The following CHIC2 variants were observed in gnomAD, a reference collection of about 807,000 sequenced individuals.
CHIC2 encodes cysteine rich hydrophobic domain 2.
In CHIC2, 14 loss-of-function variants were observed where a neutral mutation model predicts 25.9. The observed-to-expected ratio is 0.54, with a 90% CI of 0.36 to 0.85. The LOEUF (loss-of-function observed/expected upper bound fraction) is 0.85. CHIC2 is among the 40% of genes least tolerant of loss of function. CHIC2 has a pLI of 0.01. For missense variants in CHIC2, 146 were observed against 202.0 expected (o/e 0.72, Z 1.68); for synonymous variants, 70 against 72.0 (o/e 0.97, Z 0.14).
intron 3 of CHIC2, among the ~76,000 whole-genome samples, chr4:54,046,165 G>C (rs1282192900): frequency 1.3e-5 from 2 of 152,122 alleles, no homozygotes; most frequent in African/African-American, 4.8e-5. Context: ...ACAAACAAAT[G>C]GAAGAACATT....
chr4:54,088,799 A>G, the CHIC2 span, among the ~76,000 whole-genome samples: 1 of 152,126 alleles, frequency 6.6e-6, no homozygotes, highest in South Asian at 2.1e-4. Flanking sequence ...TAGTAGTTGG[A>G]GTGTTAAGAA....
intron 3 of CHIC2, among the ~76,000 whole-genome samples, chr4:54,044,184 C>G (rs1486583711): frequency 3.3e-5 from 5 of 152,122 alleles, no homozygotes; most frequent in Non-Finnish European, 7.4e-5. Flanking sequence ...AAGAGACTTA[C>G]ACTCCCACAC....
intron 3 of CHIC2, among the ~76,000 whole-genome samples, chr4:54,022,336 A>T (rs1233635874): frequency 6.6e-6 from 1 of 152,014 alleles, no homozygotes; most frequent in Non-Finnish European, 1.5e-5. Flanking sequence ...GCTCTGGGTA[A>T]CTCTTACAGT....
rs557004907 is a variant in CHIC2, at chr4:54,049,134, A to G, written c.175-24T>C. ...ACCTAAAGAAAAATTTTAAGAAATAATAACAATGCAATATTAATGTCAAAA... is the reference window on the plus strand; with the variant it reads ...ACCTAAAGAAAAATTTTAAGAAATAGTAACAATGCAATATTAATGTCAAAA... On this transcript the variant is annotated intron_variant, in intron 2 of 5. Transcript: ENST00000263921. The G allele has an allele frequency of 5.7e-6, 9 of 1,587,330 alleles. No individual in the cohort carries two copies. In the Admixed American group the frequency reaches 7.2e-5, roughly 13 times the overall value.
In CHIC2 at chr4:54,064,132, G is replaced by A. The variant is rs1335928148; in HGVS notation, c.119+50C>T. 1 of 1,515,628 alleles carries A rather than the reference G, an allele frequency of 6.6e-7. No individual in the cohort carries two copies. Among genetic ancestry groups the A allele is most frequent in the African/African-American group, 1.4e-5 (1 of 73,038 alleles). 93.9% of individuals were successfully genotyped at this position (1,515,628 alleles called of 1,614,324 possible). ...GAAACGGGGCTCCCGTGGAGTAACG[G>A]GGCCCACCCCAGCCCGCACCTCCCG... is the stretch of plus-strand genomic sequence containing the variant. On this transcript the variant is annotated intron_variant, in intron 1 of 5. Transcript: ENST00000263921. This position sits in a 1 kb window ranked among gnomAD's most constrained non-coding sequence, Gnocchi z 4.2.
the CHIC2 span, among the ~76,000 whole-genome samples, chr4:54,073,010 G>A: frequency 6.6e-6 from 1 of 152,082 alleles, no homozygotes; most frequent in Non-Finnish European, 1.5e-5. Context: ...CGAGCTTGCA[G>A]TGAGCCGAGA....
chr4:54,025,190 G>A (rs1026412251), intron 3 of CHIC2, among the ~76,000 whole-genome samples: 6 of 152,174 alleles, frequency 3.9e-5, no homozygotes, highest in African/African-American at 7.2e-5. Context: ...ATGGCCTGAA[G>A]CAACTGAAGA....
chr4:54,068,819 T>C (rs988116342), upstream of CHIC2, among the ~76,000 whole-genome samples: 11 of 152,218 alleles, frequency 7.2e-5, no homozygotes, highest in African/African-American at 2.7e-4. Flanking sequence ...TCCGCAAGAC[T>C]GCACCCTCCA....
chr4:54,066,542 A>G (rs758145630), upstream of CHIC2, among the ~76,000 whole-genome samples: 1 of 151,712 alleles, frequency 6.6e-6, no homozygotes, highest in African/African-American at 2.4e-5. Flanking sequence ...CAGAGATGCT[A>G]TGTGGCTTTC....
chr4:54,068,708 C>T (rs182698058), upstream of CHIC2, among the ~76,000 whole-genome samples: 91 of 152,310 alleles, frequency 6.0e-4, no homozygotes, highest in Middle Eastern at 6.8e-3. Flanking sequence ...CACCAACAAG[C>T]AAGCAATCAG....
intron 5 of CHIC2, 53 bp downstream of exon 5, chr4:54,013,784 C>G: frequency 2.6e-6 from 4 of 1,549,048 alleles, no homozygotes; most frequent in Non-Finnish European, 3.6e-6. Context: ...AGATCAGAAG[C>G]AAAATAAATG....
chr4:54,010,824 T>C (rs1356514621), intron 5 of CHIC2, among the ~76,000 whole-genome samples: 1 of 152,116 alleles, frequency 6.6e-6, no homozygotes, highest in Non-Finnish European at 1.5e-5. Flanking sequence ...TCTACCAGAA[T>C]ATGTAATCTT....
At chr4:54,040,127 C>G (rs1716517829) in intron 3 of CHIC2, among the ~76,000 whole-genome samples, 1 of 152,090 alleles carries the variant, frequency 6.6e-6, no homozygotes, top group Admixed American at 6.5e-5. Context: ...TATCTTGATT[C>G]TGGTGGTGGT....
chr4:54,082,857 G>A, the CHIC2 span, among the ~76,000 whole-genome samples: 1 of 152,044 alleles, frequency 6.6e-6, no homozygotes, highest in South Asian at 2.1e-4. Flanking sequence ...ACTACTCTAA[G>A]TACTACACCA....
Position 54,064,514 on chromosome 4 carries a change from A to C in CHIC2, c.-214T>G. The C allele has an allele frequency of 7.0e-7, 1 of 1,418,798 alleles. No individual in the cohort carries two copies. Among genetic ancestry groups the C allele is most frequent in the Non-Finnish European group, 9.1e-7 (1 of 1,093,754 alleles). The allele number at this position is 1,418,798 out of a possible 1,614,324, so 87.9% of individuals were successfully genotyped here. A position where few individuals can be genotyped will look rare whatever the true frequency, so the allele number is the denominator to read the frequency against. ...CGCCGCCATTACCATCAGCAATAAC[A>C]ACAACACAATGTCAACATCCGCCCA... On this transcript the variant is annotated 5_prime_UTR_variant, in exon 1 of 6. Coordinates refer to ENST00000263921, the MANE Select transcript of CHIC2 (RefSeq NM_012110.4). The surrounding 1 kb of genome is among the most constrained non-coding windows in gnomAD (Gnocchi z 4.2).
At chr4:54,075,014 G>C in the CHIC2 span, among the ~76,000 whole-genome samples, 8 of 152,152 alleles carry the variant, frequency 5.3e-5, no homozygotes, top group Non-Finnish European at 4.4e-5. Flanking sequence ...AGGAGGCTGA[G>C]GTGGGAGGAT....
upstream of CHIC2, among the ~76,000 whole-genome samples, chr4:54,068,035 T>C (rs1003297128): frequency 1.3e-5 from 2 of 151,614 alleles, no homozygotes; most frequent in African/African-American, 4.9e-5. Flanking sequence ...GCCCTCATGA[T>C]GGAATTTGTG....
chr4:54,048,091 C>T (rs557524838), intron 3 of CHIC2, among the ~76,000 whole-genome samples: 8 of 152,186 alleles, frequency 5.3e-5, no homozygotes, highest in Middle Eastern at 3.4e-3. Flanking sequence ...CAGGTTCAAG[C>T]GATTCTCCTG....
At position 54,032,766 on chromosome 4, in the gene CHIC2, T is replaced by G. The variant is rs545784941; in HGVS notation, c.330+16189A>C. Among the ~76,000 whole-genome samples the G allele has an allele frequency of 1.2e-3, 184 of 152,330 alleles. 3 individuals are homozygous for G. The highest frequency in any genetic ancestry group is 6.8e-3 in the Middle Eastern group (2 of 294). On this transcript the variant is annotated intron_variant, in intron 3 of 5. Coordinates refer to ENST00000263921, the MANE Select transcript of CHIC2 (RefSeq NM_012110.4). ...GAAACTGCCAAAAGTGGAAGTACTA[T>G]TATTTTATGATCTCACACTACTGTA...
Sources: allele counts gnomAD v4.1 joint callset (sites outside exome capture counted in the v4.1 genomes callset), GRCh38; gene constraint gnomAD v4.1.1; non-coding constraint Gnocchi (gnomAD v3.1); transcripts MANE v1.5; gene names NCBI Gene and HGNC (gene_info 2026-07-23, HGNC 2026-07-21).